The following CCDC39 variants were observed in gnomAD, a reference collection of about 807,000 sequenced individuals.
The protein encoded by CCDC39 is coiled-coil domain 39 molecular ruler complex subunit.
Under a neutral mutation model 121.0 loss-of-function variants are expected in CCDC39, and 113 were observed. The ratio of observed to expected loss-of-function variants is 0.93; its 90% CI spans 0.80 to 1.09. CCDC39 has a LOEUF of 1.09. CCDC39 is among the 50% of genes least tolerant of loss of function. CCDC39 has a pLI of 0.00. For missense variants in CCDC39, 1,063 were observed against 1,074.7 expected, an observed-to-expected ratio of 0.99 and a Z score of 0.15; for synonymous variants, 349 against 352.2, an observed-to-expected ratio of 0.99 and a Z score of 0.10.
At chr3:180,665,424 C>T (rs1331026195) in intron 1 of CCDC39, among the ~76,000 whole-genome samples, 1 of 151,958 alleles carries the variant, frequency 6.6e-6, no homozygotes, top group East Asian at 1.9e-4. Context: ...TGAGGGTACA[C>T]AACACAATCC....
chr3:180,626,332 C>T (rs762028701), intron 14 of CCDC39, among the ~76,000 whole-genome samples: 5 of 152,014 alleles, frequency 3.3e-5, no homozygotes, highest in Non-Finnish European at 7.4e-5. Flanking sequence ...CAGACTAGTC[C>T]CAGGCCCCTT....
At position 180,614,570 on chromosome 3, in the gene CCDC39, C is replaced by A; in HGVS notation, c.*351G>T. 5.0e-6 allele frequency: 1 copy of A among 198,236 alleles called. No individual in the cohort carries two copies. Among genetic ancestry groups the A allele is most frequent in the Non-Finnish European group, 1.0e-5 (1 of 98,318 alleles). The allele number at this position is 198,236 out of a possible 1,614,324, so 12.3% of individuals were successfully genotyped here. On this transcript the variant is annotated 3_prime_UTR_variant, in exon 20 of 20. Coordinates refer to ENST00000476379, the MANE Select transcript of CCDC39 (RefSeq NM_181426.2). Reference sequence around the variant, plus strand: ...ATACGCTCATAATAGTACAGTAAATCTTTAGAAATTTCTTCTTGAAAGATT... The same window carrying A: ...ATACGCTCATAATAGTACAGTAAATATTTAGAAATTTCTTCTTGAAAGATT...
rs1191677224 is a variant in CCDC39 at position 180,678,365 on chromosome 3, C to CT, written c.90+925dup. 2.0e-5 allele frequency among the ~76,000 whole-genome samples: 3 copies of CT among 152,160 alleles called. No individual in the cohort carries two copies. The East Asian group carries it at 5.8e-4, about 29-fold the overall frequency. ...GTAGAGTAACAGGATTTTCATTTTC[C>CT]TTTTTTAGAGCTGAGAAAACTTTCT... On this transcript the variant is annotated intron_variant, in intron 1 of 19. Transcript: ENST00000476379.
Position 180,679,317 on chromosome 3 carries a change from C to T in CCDC39, c.64G>A (p.Glu22Lys), listed in dbSNP as rs868574765. 6.2e-7 allele frequency: 1 copy of T among 1,613,810 alleles called. No homozygotes were observed. The highest frequency in any genetic ancestry group is 8.5e-7 in the Non-Finnish European group (1 of 1,179,840). The change falls in exon 1 of 20, where the codon GAG (glutamate) becomes AAG (lysine). Residue 22 changes from glutamate to lysine, a missense_variant. By Grantham distance (56) the Glu-to-Lys change is moderately conservative. Coordinates refer to ENST00000476379, the MANE Select transcript of CCDC39 (RefSeq NM_181426.2). This position sits in a 1 kb window ranked among gnomAD's most constrained non-coding sequence, Gnocchi z 4.0. ...EDGFAIPVAN[E>K]ENKLLEDQLS... ...TGATCTTCCAGTAGCTTGTTCTCCT[C>T]GTTCGCCACCGGGATGGCGAACCCA...
chr3:180,648,171 G>A lies in CCDC39; in HGVS notation c.1356C>T (p.Tyr452=), dbSNP rs375839864. 6.2e-7 allele frequency: 1 copy of A among 1,610,316 alleles called. No homozygotes were observed. The change falls in exon 10 of 20, where the codon TAC becomes TAT. Residue 452 remains tyrosine, a synonymous_variant. Transcript: ENST00000476379. ...FETLKQQEIM[Y]SQDFHIQQVE... is the part of the protein sequence containing the mutation. ...TCATAAAAGTAACATCTACCTGGCTGTACATAATTTCTTGCTGCTTCAAGG... is the reference window on the plus strand; with the variant it reads ...TCATAAAAGTAACATCTACCTGGCTATACATAATTTCTTGCTGCTTCAAGG...
Position 180,616,281 on chromosome 3 carries a change from C to G in CCDC39, c.2669G>C (p.Arg890Thr). ...GATTTTTTTTTAACCCTCCGCTTAC[C>G]TTGCTGATAGTGAAGTATGTGAAGG... ...RSPSHTSLSARSSRSTSTSTS... is the reference protein window; with the variant it reads ...RSPSHTSLSATSSRSTSTSTS... The change falls in exon 19 of 20, where the codon AGG becomes ACG. Residue 890 changes from arginine to threonine, a missense_variant and splice_region_variant. Physicochemically the swap from Arg to Thr is moderately conservative, Grantham distance 71. Transcript: ENST00000476379. 1 of 1,612,968 alleles carries G rather than the reference C, an allele frequency of 6.2e-7. No homozygotes were observed.
Position 180,660,570 on chromosome 3 carries a change from C to A in CCDC39, c.516G>T (p.Arg172Ser). ...KYAQQDDNKIRALTLQLERLT... is the reference protein window; with the variant it reads ...KYAQQDDNKISALTLQLERLT... The stretch of plus-strand genomic sequence containing the variant: ...ACAGTTACAATTTGTAATTTCTCAC[C>A]CTGATTTTATTATCATCTTGTTGTG... The change falls in exon 4 of 20, where the codon AGG (arginine) becomes AGT (serine). Residue 172 changes from arginine to serine, a missense_variant and splice_region_variant. By Grantham distance (110) the Arg-to-Ser change is moderately radical. Transcript: ENST00000476379. 1 of 1,568,370 alleles carries A rather than the reference C, an allele frequency of 6.4e-7. No individual in the cohort carries two copies. The highest frequency in any genetic ancestry group is 8.7e-7 in the Non-Finnish European group (1 of 1,152,278).
chr3:180,667,240 G>C (rs1369696552), intron 1 of CCDC39, among the ~76,000 whole-genome samples: 1 of 152,108 alleles, frequency 6.6e-6, no homozygotes, highest in East Asian at 1.9e-4. Context: ...AAGATTCAGA[G>C]TGTTTACATC....
rs1717357943 is a variant in CCDC39, at chr3:180,619,330, G to A, written c.2194C>T (p.Gln732Ter). ...TATTTTTCATCAACAGCTCTTTTTTGTTCTTCTAGTTGAATTTTTAGCTCA... is the reference window on the plus strand; with the variant it reads ...TATTTTTCATCAACAGCTCTTTTTTATTCTTCTAGTTGAATTTTTAGCTCA... ...EYELKIQLEE[Q>*]KRAVDEKYRY... Residue 732 changes from glutamine (Q) to a stop codon, truncating the protein, a stop_gained, in exon 16 of 20, where the codon CAA becomes TAA. Transcript: ENST00000476379. LOFTEE classifies it high-confidence loss of function. 1.3e-6 allele frequency: 2 copies of A among 1,540,094 alleles called. No individual in the cohort carries two copies. Among genetic ancestry groups the A allele is most frequent in the Admixed American group, 2.0e-5 (1 of 50,394 alleles).
At chr3:180,677,370 C>T (rs1346188428) in intron 1 of CCDC39, among the ~76,000 whole-genome samples, 5 of 150,130 alleles carry the variant, frequency 3.3e-5, no homozygotes, top group Non-Finnish European at 7.4e-5. Context: ...ATAAAACTAA[C>T]ACTAAACACT....
intron 13 of CCDC39, among the ~76,000 whole-genome samples, chr3:180,639,414 G>A (rs1717903152): frequency 6.6e-6 from 1 of 151,846 alleles, no homozygotes; most frequent in Non-Finnish European, 1.5e-5. Context: ...AAGAAAATGT[G>A]GTATATATAC....
intron 1 of CCDC39, among the ~76,000 whole-genome samples, chr3:180,673,630 T>TG (rs1712109918): frequency 6.6e-6 from 1 of 152,226 alleles, no homozygotes; most frequent in South Asian, 2.1e-4. Flanking sequence ...TTTGTTGCAG[T>TG]GGTCTGGAAC....
chr3:180,670,628 C>CT (rs1261459011), intron 1 of CCDC39, among the ~76,000 whole-genome samples: 5 of 136,044 alleles, frequency 3.7e-5, no homozygotes, highest in South Asian at 2.4e-4. Flanking sequence ...ACCACAGTGC[C>CT]TTTTTTTTCT....
At chr3:180,638,047 C>T (rs528395588) in intron 13 of CCDC39, among the ~76,000 whole-genome samples, 5 of 152,056 alleles carry the variant, frequency 3.3e-5, no homozygotes, top group Non-Finnish European at 5.9e-5. Flanking sequence ...ACCTGTATAA[C>T]AAACCTGCAC....
chr3:180,659,024 A>T (rs1051853279), intron 6 of CCDC39, among the ~76,000 whole-genome samples: 22 of 152,216 alleles, frequency 1.4e-4, no homozygotes, highest in African/African-American at 5.3e-4. Context: ...CAGCTTCAAA[A>T]GTGAAACTTT....
intron 14 of CCDC39, among the ~76,000 whole-genome samples, chr3:180,629,929 C>T (rs115329125): frequency 8.5e-4 from 130 of 152,286 alleles, no homozygotes; most frequent in African/African-American, 3.1e-3. Flanking sequence ...TCAGCATCAT[C>T]ACAGTAATAA....
intron 14 of CCDC39, among the ~76,000 whole-genome samples, chr3:180,627,283 A>C (rs1717586343): frequency 6.6e-6 from 1 of 152,242 alleles, no homozygotes; most frequent in South Asian, 2.1e-4. Context: ...TTAGCAAAAA[A>C]ATTATAGAAA....
At chr3:180,636,010 G>A (rs1022144032) in intron 13 of CCDC39, among the ~76,000 whole-genome samples, 13 of 152,120 alleles carry the variant, frequency 8.5e-5, no homozygotes, top group African/African-American at 3.1e-4. Context: ...AGTAAATGGG[G>A]AAAAGCTGGA....
intron 12 of CCDC39, among the ~76,000 whole-genome samples, chr3:180,643,273 T>C (rs544774442): frequency 7.6e-4 from 115 of 152,118 alleles, no homozygotes; most frequent in Non-Finnish European, 1.3e-3. Context: ...GAGACAATAT[T>C]TTTACATATG....
Sources: gnomAD v4.1 joint callset for allele counts (sites outside exome capture counted in the v4.1 genomes callset) on GRCh38, gnomAD v4.1.1 for gene constraint, Gnocchi (gnomAD v3.1) non-coding constraint, MANE v1.5 for transcripts, NCBI Gene and HGNC (gene_info 2026-07-23, HGNC 2026-07-21) for gene names.